The following UCK2 variants were observed in gnomAD, a reference collection of about 807,000 sequenced individuals.
UCK2 encodes the protein cytidine monophosphokinase 2.
UCK2 carries 6 observed loss-of-function variants against 30.8 expected under a neutral mutation model. That is an observed-to-expected ratio of 0.19 (90% CI 0.11 to 0.38). UCK2 has a LOEUF of 0.38. UCK2 is among the 10% of genes least tolerant of loss of function. The pLI, the probability that UCK2 is intolerant of heterozygous loss-of-function variation, is 1.00. For synonymous variants in UCK2, 125 were observed against 133.6 expected (o/e 0.94, Z 0.45); for missense variants, 210 against 339.8 (o/e 0.62, Z 3.00).
chr1:165,828,819 TTC>T (rs1653965477), intron 1 of UCK2, among the ~76,000 whole-genome samples: 1 of 152,148 alleles, frequency 6.6e-6, no homozygotes, highest in African/African-American at 2.4e-5. Context: ...TCCCAGATGG[TTC>T]TTTCTTTGCT....
At chr1:165,855,308 G>A (rs1292168440) in intron 1 of UCK2, among the ~76,000 whole-genome samples, 1 of 152,108 alleles carries the variant, frequency 6.6e-6, no homozygotes, top group African/African-American at 2.4e-5. Flanking sequence ...CCTAGTTCTT[G>A]TCTGAATCTC....
intron 1 of UCK2, among the ~76,000 whole-genome samples, chr1:165,887,277 GA>G (rs1655639215): frequency 1.3e-5 from 2 of 152,190 alleles, no homozygotes; most frequent in Non-Finnish European, 2.9e-5. Context: ...TGCAGCGGGG[GA>G]TCAACACAAT....
At chr1:165,841,335 C>T (rs534466009) in intron 1 of UCK2, among the ~76,000 whole-genome samples, 1 of 152,054 alleles carries the variant, frequency 6.6e-6, no homozygotes, top group Non-Finnish European at 1.5e-5. Flanking sequence ...AGGCGCCCAC[C>T]ACCACACCCA....
intron 3 of UCK2, chr1:165,895,501 G>A (rs1655876051): frequency 4.1e-6 from 4 of 985,376 alleles, no homozygotes; most frequent in Non-Finnish European, 4.8e-6. Flanking sequence ...GGGTGGATGA[G>A]GTCATGCATA....
At chr1:165,904,226 T>C (rs1037035328) in intron 5 of UCK2, 3 of 152,240 alleles carry the variant, frequency 2.0e-5, no homozygotes, top group Non-Finnish European at 2.9e-5. Context: ...ATTCTTTTTC[T>C]TCTGGGAAAA....
chr1:165,845,261 C>G lies in UCK2; in HGVS notation c.99+17329C>G, dbSNP rs146877866. On this transcript the variant is annotated intron_variant, in intron 1 of 6. Coordinates refer to ENST00000367879, the MANE Select transcript of UCK2 (RefSeq NM_012474.5). The stretch of plus-strand genomic sequence containing the variant: ...AGAAATCGCCATACGTTTTGGTGAC[C>G]AGAGGTGAAATATTCTGTGCACGGT... Among the ~76,000 whole-genome samples the G allele has an allele frequency of 2.6e-4, 39 of 152,276 alleles. No individual in the cohort carries two copies. In the East Asian group the frequency reaches 7.1e-3, roughly 28 times the overall value.
chr1:165,857,876 A>G (rs989955828), intron 1 of UCK2, among the ~76,000 whole-genome samples: 5 of 152,036 alleles, frequency 3.3e-5, no homozygotes, highest in Admixed American at 3.3e-4. Context: ...TGTTTACTGC[A>G]CCCCATAAAA....
rs1339408002 is a variant in UCK2, at chr1:165,894,500, T to G, written c.357-1690T>G. On this transcript the variant is annotated intron_variant, in intron 3 of 6. Coordinates refer to ENST00000367879, the MANE Select transcript of UCK2 (RefSeq NM_012474.5). ...ACCCTGGCTGCATGTTAGAAATATCTTGGGAGCTTCTAAATAGTGTTGAAG... is the reference window on the plus strand; with the variant it reads ...ACCCTGGCTGCATGTTAGAAATATCGTGGGAGCTTCTAAATAGTGTTGAAG... The G allele has an allele frequency of 5.3e-5, 8 of 152,306 alleles. No homozygotes were observed. The South Asian group carries it at 8.3e-4, about 16-fold the overall frequency. The allele number at this position is 152,306 out of a possible 1,614,324, so 9.4% of individuals were successfully genotyped here.
chr1:165,870,951 G>A (rs1655182049), intron 1 of UCK2, among the ~76,000 whole-genome samples: 2 of 152,182 alleles, frequency 1.3e-5, no homozygotes, highest in Non-Finnish European at 2.9e-5. Context: ...CCAAGTAGCT[G>A]GGATTACAGG....
intron 1 of UCK2, among the ~76,000 whole-genome samples, chr1:165,864,809 GT>G (rs1655009867): frequency 7.5e-5 from 11 of 146,110 alleles, no homozygotes; most frequent in African/African-American, 2.0e-4. Flanking sequence ...CCTCCTGAGT[GT>G]CCAGGACTAC....
intron 3 of UCK2, chr1:165,895,340 G>A: frequency 3.4e-6 from 1 of 295,034 alleles, no homozygotes; most frequent in Non-Finnish European, 5.0e-6. Context: ...CCTGAGCCTG[G>A]GAAGTTGAGG....
intron 3 of UCK2, 22 bp downstream of exon 3, chr1:165,891,344 A>G (rs750536741): frequency 1.9e-6 from 3 of 1,606,952 alleles, no homozygotes; most frequent in South Asian, 1.1e-5. Context: ...GTTCTGGGCC[A>G]GGGATGGCAC....
At chr1:165,837,000 A>G (rs1654210186) in intron 1 of UCK2, among the ~76,000 whole-genome samples, 1 of 152,138 alleles carries the variant, frequency 6.6e-6, no homozygotes, top group African/African-American at 2.4e-5. Context: ...CCTCGTGCAC[A>G]AAAGTTTCAA....
At chr1:165,850,110 T>C (rs1040523939) in intron 1 of UCK2, among the ~76,000 whole-genome samples, 7 of 152,178 alleles carry the variant, frequency 4.6e-5, no homozygotes, top group African/African-American at 1.7e-4. Flanking sequence ...CAGCCTTTGT[T>C]CATTTAAAAA....
At chr1:165,845,539 G>A (rs1557834033) in intron 1 of UCK2, among the ~76,000 whole-genome samples, 1 of 152,152 alleles carries the variant, frequency 6.6e-6, no homozygotes, top group Non-Finnish European at 1.5e-5. Flanking sequence ...CAATTAACTG[G>A]ATCTGAGTTG....
chr1:165,853,043 C>G (rs202215726), intron 1 of UCK2, among the ~76,000 whole-genome samples: 3 of 137,840 alleles, frequency 2.2e-5, no homozygotes, highest in African/African-American at 9.1e-5. Flanking sequence ...AATATCAAGG[C>G]CTGATCCTTC....
At chr1:165,875,141 T>C (rs1412645111) in intron 1 of UCK2, among the ~76,000 whole-genome samples, 4 of 151,908 alleles carry the variant, frequency 2.6e-5, no homozygotes, top group South Asian at 2.1e-4. Context: ...ATTGAACATA[T>C]AGTTTGTGCT....
chr1:165,861,645 AAAAACAAAAAAAAAC>A (rs1401844595), intron 1 of UCK2, among the ~76,000 whole-genome samples: 22 of 68,962 alleles, frequency 3.2e-4, no homozygotes, highest in Admixed American at 5.2e-4. Flanking sequence ...AAAAAAAAAA[AAAAACAAAAAAAAAC>A]AACAGTAAAA....
At chr1:165,831,830 A>T (rs1654056864) in intron 1 of UCK2, among the ~76,000 whole-genome samples, 1 of 152,136 alleles carries the variant, frequency 6.6e-6, no homozygotes, top group Admixed American at 6.5e-5. Flanking sequence ...CAGTGGTGCC[A>T]TCTTGGTTTA....
Sources: allele counts gnomAD v4.1 joint callset (sites outside exome capture counted in the v4.1 genomes callset), GRCh38; gene constraint gnomAD v4.1.1; transcripts MANE v1.5; gene names NCBI Gene and HGNC (gene_info 2026-07-23, HGNC 2026-07-21).